NEGR1: variants seen among roughly 807,000 people sequenced by gnomAD.
NEGR1 encodes the protein neuronal growth regulator 1.
NEGR1 carries 10 observed loss-of-function variants against 40.9 expected under a neutral mutation model. That is an observed-to-expected ratio of 0.24 (90% CI 0.15 to 0.42). NEGR1 has a LOEUF of 0.42. NEGR1 is among the 10% of genes least tolerant of loss of function. The probability of loss-of-function intolerance (pLI) is 1.00; values close to 1 mark genes in which losing one functional copy is unlikely to be tolerated. For missense variants in NEGR1, 352 were observed against 438.9 expected, an observed-to-expected ratio of 0.80 and a Z score of 1.77; for synonymous variants, 185 against 166.8, an observed-to-expected ratio of 1.11 and a Z score of -0.84.
intron 6 of NEGR1, among the ~76,000 whole-genome samples, chr1:71,529,909 A>G (rs900740264): frequency 3.3e-5 from 5 of 151,138 alleles, no homozygotes; most frequent in Non-Finnish European, 7.4e-5. Context: ...TAATAATTCA[A>G]TTTTCATTCC....
intron 1 of NEGR1, among the ~76,000 whole-genome samples, chr1:72,237,414 T>A (rs1195002246): frequency 1.3e-5 from 2 of 151,956 alleles, no homozygotes; most frequent in Non-Finnish European, 2.9e-5. Flanking sequence ...GCCTGAGAAG[T>A]CCAACATAAA....
chr1:72,198,419 G>A (rs1211797774), intron 1 of NEGR1, among the ~76,000 whole-genome samples: 3 of 152,006 alleles, frequency 2.0e-5, no homozygotes, highest in African/African-American at 7.2e-5. Context: ...TAGCAACAAG[G>A]TGGAAGGAGC....
chr1:71,928,486 G>GTATATATACACATATGTATACATGTGTA (rs1557439477), intron 2 of NEGR1, among the ~76,000 whole-genome samples: 3 of 127,134 alleles, frequency 2.4e-5, no homozygotes, highest in African/African-American at 2.8e-5. Context: ...ACATATATAT[G>GTATATATACACATATGTATACATGTGTA]TATATATACA....
intron 1 of NEGR1, among the ~76,000 whole-genome samples, chr1:72,159,619 T>C (rs138473547): frequency 2.6e-3 from 400 of 152,252 alleles, no homozygotes; most frequent in African/African-American, 8.8e-3. Context: ...TTAAAGAACA[T>C]AGAAGAATGC....
chr1:71,765,048 C>T lies in NEGR1; in HGVS notation c.535+11124G>A, dbSNP rs144257415. 1.2e-4 allele frequency among the ~76,000 whole-genome samples: 18 copies of T among 152,002 alleles called. No homozygotes were observed. The South Asian group carries it at 1.5e-3, about 12-fold the overall frequency. On this transcript the variant is annotated intron_variant, in intron 3 of 6. Coordinates refer to ENST00000357731, the MANE Select transcript of NEGR1 (RefSeq NM_173808.3). Reference sequence around the variant, plus strand: ...TGCACCAAAAAAAGGGCATGGTCACCGGTGGTCGGCTGCCAGTCTGATCCA... The same window carrying T: ...TGCACCAAAAAAAGGGCATGGTCACTGGTGGTCGGCTGCCAGTCTGATCCA...
intron 1 of NEGR1, among the ~76,000 whole-genome samples, chr1:71,957,166 C>A (rs1405593702): frequency 6.6e-6 from 1 of 151,988 alleles, no homozygotes; most frequent in Non-Finnish European, 1.5e-5. Context: ...AAAAAAGATG[C>A]CAAAGTGAAA....
intron 4 of NEGR1, among the ~76,000 whole-genome samples, chr1:71,625,308 A>G (rs1650737125): frequency 6.6e-6 from 1 of 151,958 alleles, no homozygotes; most frequent in Non-Finnish European, 1.5e-5. Context: ...ACACACACAC[A>G]CACACAATTG....
intron 2 of NEGR1, among the ~76,000 whole-genome samples, chr1:71,853,214 T>C (rs1194215897): frequency 1.3e-5 from 2 of 152,160 alleles, no homozygotes; most frequent in African/African-American, 4.8e-5. Context: ...GGAATATGCA[T>C]AATTTTTATC....
chr1:71,942,299 A>C (rs992134283), intron 1 of NEGR1, among the ~76,000 whole-genome samples: 7 of 150,076 alleles, frequency 4.7e-5, no homozygotes, highest in African/African-American at 1.2e-4. Context: ...TGGGAAAAAA[A>C]ACTGAAAATT....
chr1:71,570,293 C>A (rs2101491973), intron 6 of NEGR1, among the ~76,000 whole-genome samples: 1 of 152,260 alleles, frequency 6.6e-6, no homozygotes, highest in Non-Finnish European at 1.5e-5. Context: ...TACCCCAATG[C>A]CACAGGTACT....
intron 2 of NEGR1, among the ~76,000 whole-genome samples, chr1:71,790,914 G>A (rs1203339714): frequency 4.0e-5 from 6 of 151,756 alleles, no homozygotes; most frequent in Non-Finnish European, 2.9e-5. Flanking sequence ...TCTGAGGGAG[G>A]TTAAGTGATG....
intron 1 of NEGR1, among the ~76,000 whole-genome samples, chr1:72,127,395 CG>C (rs1650064675): frequency 8.1e-6 from 1 of 123,580 alleles, no homozygotes; most frequent in African/African-American, 3.1e-5. Context: ...ACCCGGGAGG[CG>C]GAGGTTGCAG....
chr1:72,072,327 T>C (rs1647501160), intron 1 of NEGR1, among the ~76,000 whole-genome samples: 1 of 152,142 alleles, frequency 6.6e-6, no homozygotes, highest in African/African-American at 2.4e-5. Context: ...TAATCATCAC[T>C]GAATTTCTAA....
At chr1:71,684,304 T>C (rs1456516692) in intron 4 of NEGR1, among the ~76,000 whole-genome samples, 1 of 152,068 alleles carries the variant, frequency 6.6e-6, no homozygotes, top group Non-Finnish European at 1.5e-5. Context: ...AATTAAATAT[T>C]ACTAATATTA....
At chr1:71,924,166 C>T (rs572260773) in intron 2 of NEGR1, among the ~76,000 whole-genome samples, 2 of 152,274 alleles carry the variant, frequency 1.3e-5, no homozygotes, top group South Asian at 4.1e-4. Context: ...CTAGCCCTGT[C>T]TTAAAATCAG....
At chr1:71,711,300 C>T (rs1339528270) in intron 3 of NEGR1, among the ~76,000 whole-genome samples, 24 of 139,162 alleles carry the variant, frequency 1.7e-4, no homozygotes, top group African/African-American at 4.0e-4. Flanking sequence ...AGTGGAGATG[C>T]GCCACTGCAC....
intron 2 of NEGR1, among the ~76,000 whole-genome samples, chr1:71,835,204 C>G (rs1340826333): frequency 6.6e-6 from 1 of 152,080 alleles, no homozygotes; most frequent in Non-Finnish European, 1.5e-5. Context: ...GTCCCCAGTT[C>G]TCTTCAAAAC....
chr1:71,982,561 A>G (rs535300511), intron 1 of NEGR1, among the ~76,000 whole-genome samples: 3 of 152,306 alleles, frequency 2.0e-5, no homozygotes, highest in South Asian at 4.1e-4. Context: ...ACTGGCTACT[A>G]TATTATTTCC....
intron 6 of NEGR1, among the ~76,000 whole-genome samples, chr1:71,499,047 T>C (rs79172448): frequency 0.014 from 2,076 of 152,248 alleles, 17 homozygotes; most frequent in Middle Eastern, 0.034. Flanking sequence ...TTGACAAAAA[T>C]TCAGAATTCA....
Sources: allele counts gnomAD v4.1 joint callset (sites outside exome capture counted in the v4.1 genomes callset), GRCh38; gene constraint gnomAD v4.1.1; transcripts MANE v1.5; gene names NCBI Gene and HGNC (gene_info 2026-07-23, HGNC 2026-07-21).